CERS6: variants seen among roughly 807,000 people sequenced by gnomAD.
CERS6 encodes the protein ceramide synthase 6, also known as LAG1 homolog, ceramide synthase 6.
Under a neutral mutation model 56.8 loss-of-function variants are expected in CERS6, and 26 were observed. That is an observed-to-expected ratio of 0.46 (90% confidence interval 0.34 to 0.63). The LOEUF (loss-of-function observed/expected upper bound fraction) is 0.63, where lower values mean the gene tolerates loss of function less well. Ranked by LOEUF, CERS6 falls within the 30% of genes least tolerant of loss-of-function variation. The pLI, the probability that CERS6 is intolerant of heterozygous loss-of-function variation, is 0.01. For synonymous variants in CERS6, 164 were observed against 173.3 expected (o/e 0.95, Z 0.42); for missense variants, 415 against 467.5 (o/e 0.89, Z 1.04).
At chr2:168,633,272 A>C (rs1025016147) in intron 4 of CERS6, among the ~76,000 whole-genome samples, 8 of 151,822 alleles carry the variant, frequency 5.3e-5, no homozygotes, top group Non-Finnish European at 1.0e-4. Flanking sequence ...TCCAAGCAGC[A>C]CTCAATTTTT....
chr2:168,572,610 C>A (rs887038251), intron 3 of CERS6, among the ~76,000 whole-genome samples: 2 of 151,886 alleles, frequency 1.3e-5, no homozygotes, highest in Non-Finnish European at 2.9e-5. Context: ...GGAAAGGGGG[C>A]AGTTTGGTCT....
intron 8 of CERS6, among the ~76,000 whole-genome samples, chr2:168,754,706 T>C (rs1386210214): frequency 6.6e-6 from 1 of 152,230 alleles, no homozygotes; most frequent in African/African-American, 2.4e-5. Flanking sequence ...CATGATCGCT[T>C]CTAAACCTCC....
At chr2:168,649,573 A>C (rs906237888) in intron 4 of CERS6, among the ~76,000 whole-genome samples, 2 of 152,124 alleles carry the variant, frequency 1.3e-5, no homozygotes, top group Non-Finnish European at 2.9e-5. Flanking sequence ...TTTTTAACCA[A>C]GAAAAGCTTT....
rs181259067 is a variant in CERS6 at position 168,626,280 on chromosome 2, C to T, written c.408-4705C>T. On this transcript the variant is annotated intron_variant, in intron 3 of 9. Coordinates refer to ENST00000305747, the MANE Select transcript of CERS6 (RefSeq NM_203463.3). Reference sequence around the variant, plus strand: ...TACTATATAAAAGTTGTAAATCAAACGGCCCTCGTATGCCTGCCCTGGTCT... The same window carrying T: ...TACTATATAAAAGTTGTAAATCAAATGGCCCTCGTATGCCTGCCCTGGTCT... 7.3e-4 allele frequency among the ~76,000 whole-genome samples: 111 copies of T among 152,260 alleles called. 1 individual carries two copies. The highest frequency in any genetic ancestry group is 2.0e-3 in the African/African-American group (85 of 41,544).
intron 8 of CERS6, among the ~76,000 whole-genome samples, chr2:168,750,945 A>C (rs896502379): frequency 6.6e-6 from 1 of 152,208 alleles, no homozygotes; most frequent in Non-Finnish European, 1.5e-5. Flanking sequence ...TACAATACAA[A>C]CTTAATAAAA....
intron 6 of CERS6, 74 bp downstream of exon 6, chr2:168,695,125 T>C: frequency 9.2e-7 from 1 of 1,081,146 alleles, no homozygotes. Context: ...GTTTAGACTC[T>C]CAAAGGCACT....
At chr2:168,547,235 CTA>C (rs1344882737) in intron 1 of CERS6, among the ~76,000 whole-genome samples, 3 of 152,170 alleles carry the variant, frequency 2.0e-5, no homozygotes, top group African/African-American at 7.2e-5. Context: ...AAAAATATGA[CTA>C]TTGCTCTGTG....
At chr2:168,496,338 A>T (rs74759950) in intron 1 of CERS6, among the ~76,000 whole-genome samples, 2,930 of 148,038 alleles carry the variant, frequency 0.02, 69 homozygotes, top group African/African-American at 0.053. Context: ...GGAAGTCATG[A>T]TTTTTTTTTT....
At chr2:168,596,495 A>G (rs1683799853) in intron 3 of CERS6, among the ~76,000 whole-genome samples, 1 of 151,784 alleles carries the variant, frequency 6.6e-6, no homozygotes, top group Non-Finnish European at 1.5e-5. Context: ...TATTCAGTAC[A>G]GTGGCTTTTT....
chr2:168,677,269 G>C (rs1424553271), intron 4 of CERS6, among the ~76,000 whole-genome samples: 7 of 151,876 alleles, frequency 4.6e-5, no homozygotes, highest in Non-Finnish European at 1.0e-4. Flanking sequence ...AACATGCAGT[G>C]TTTGGTTTTC....
intron 4 of CERS6, among the ~76,000 whole-genome samples, chr2:168,639,665 G>T (rs1484795195): frequency 6.6e-6 from 1 of 152,076 alleles, no homozygotes; most frequent in African/African-American, 2.4e-5. Context: ...ATCTTGTCTG[G>T]GTGTGTTTGG....
intron 3 of CERS6, among the ~76,000 whole-genome samples, chr2:168,590,610 C>T (rs1361156240): frequency 6.6e-6 from 1 of 152,094 alleles, no homozygotes; most frequent in Non-Finnish European, 1.5e-5. Context: ...TTAGTGAAAG[C>T]ATTTTTCAAT....
chr2:168,656,533 G>A (rs892028609), intron 4 of CERS6, among the ~76,000 whole-genome samples: 2 of 151,926 alleles, frequency 1.3e-5, no homozygotes, highest in African/African-American at 2.4e-5. Context: ...AGACCTTCGC[G>A]GTGAGTGTTA....
intron 4 of CERS6, among the ~76,000 whole-genome samples, chr2:168,682,104 A>G (rs796892242): frequency 6.6e-6 from 1 of 152,162 alleles, no homozygotes; most frequent in Non-Finnish European, 1.5e-5. Flanking sequence ...TCTCTTTGAC[A>G]TACTGATTTT....
chr2:168,681,324 G>A (rs1044910786), intron 4 of CERS6, among the ~76,000 whole-genome samples: 3 of 152,100 alleles, frequency 2.0e-5, no homozygotes, highest in African/African-American at 7.2e-5. Flanking sequence ...TTTGTTTGTA[G>A]TTGAAATATC....
At position 168,613,996 on chromosome 2, in the gene CERS6, G is replaced by A. The variant is rs140426040; in HGVS notation, c.408-16989G>A. 3.8e-3 allele frequency among the ~76,000 whole-genome samples: 577 copies of A among 152,302 alleles called. 3 individuals are homozygous for A. The highest frequency in any genetic ancestry group is 0.013 in the African/African-American group (552 of 41,574). ...AACTTCATTGTGTGCATTGTAATGG[G>A]GTTGGATTTTGTGAAATGGCTTATT... On this transcript the variant is annotated intron_variant, in intron 3 of 9. Transcript: ENST00000305747.
chr2:168,627,237 AAACAAGAGCATTTAATTTG>A (rs1168296654), intron 3 of CERS6, among the ~76,000 whole-genome samples: 1 of 152,178 alleles, frequency 6.6e-6, no homozygotes, highest in African/African-American at 2.4e-5. Context: ...TATCCCTTAA[AAACAAGAGCATTTAATTTG>A]GCAATGAAAT....
At chr2:168,652,051 C>T (rs1210461484) in intron 4 of CERS6, among the ~76,000 whole-genome samples, 1 of 149,750 alleles carries the variant, frequency 6.7e-6, no homozygotes, top group African/African-American at 2.5e-5. Flanking sequence ...TTTTTGGCAG[C>T]TTCACAACAA....
At chr2:168,714,674 T>A (rs1687183338) in intron 6 of CERS6, among the ~76,000 whole-genome samples, 1 of 152,208 alleles carries the variant, frequency 6.6e-6, no homozygotes, top group South Asian at 2.1e-4. Flanking sequence ...GATGTCCTCC[T>A]ATCTCCTGTG....
Sources: allele counts gnomAD v4.1 joint callset (sites outside exome capture counted in the v4.1 genomes callset), GRCh38; gene constraint gnomAD v4.1.1; transcripts MANE v1.5; gene names NCBI Gene and HGNC (gene_info 2026-07-23, HGNC 2026-07-21).